The following MAP4 variants were observed in gnomAD, a reference collection of about 807,000 sequenced individuals.
The protein encoded by MAP4 is microtubule-associated protein 4.
Under a neutral mutation model 170.2 loss-of-function variants are expected in MAP4, and 76 were observed. The ratio of observed to expected loss-of-function variants is 0.45; its 90% CI spans 0.37 to 0.54. The LOEUF is 0.54. Ranked by LOEUF, MAP4 falls within the 20% of genes least tolerant of loss-of-function variation. The pLI is 0.00. For missense variants in MAP4, 2,506 were observed against 2,748.0 expected (o/e 0.91, Z 1.97); for synonymous variants, 909 against 994.5 (o/e 0.91, Z 1.62).
rs1425123502 is a variant in MAP4, at chr3:47,916,366, G to A, written c.1461C>T (p.Ala487=). ...TGGACGGAGCCACATCCTTGGCCGG[G>A]GCTATTTCTGTTTCTGGGAGTTGAG... is the stretch of plus-strand genomic sequence containing the variant. The part of the protein sequence containing the change: ...DMAQLPETEI[A]PAKDVAPSTV... Residue 487 remains alanine, a synonymous_variant, in exon 7 of 21, where the codon GCC becomes GCT. Transcript: ENST00000683076. The A allele has an allele frequency of 6.2e-7, 1 of 1,614,082 alleles. No homozygotes were observed. The highest frequency in any genetic ancestry group is 2.2e-5 in the East Asian group (1 of 44,904).
Position 47,945,245 on chromosome 3 carries a change from G to A in MAP4, c.293-16895C>T, listed in dbSNP as rs146473782. ...CATGCGACTGCAGTCCCAGCTACTC[G>A]GGAGGCTGAGACAGGAGAATTGCTT... On this transcript the variant is annotated intron_variant, in intron 3 of 20. Transcript: ENST00000683076. Among the ~76,000 whole-genome samples the A allele has an allele frequency of 8.9e-3, 1,354 of 152,026 alleles. 22 individuals are homozygous for A. Among genetic ancestry groups the A allele is most frequent in the African/African-American group, 0.031 (1,281 of 41,488 alleles).
rs139473425 is a variant in MAP4 at position 47,871,252 on chromosome 3, C to T, written c.5976G>A (p.Lys1992=). 8.5e-5 allele frequency: 137 copies of T among 1,614,084 alleles called. No individual in the cohort carries two copies. Among genetic ancestry groups the T allele is most frequent in the Non-Finnish European group, 1.1e-4 (128 of 1,180,022 alleles). ...IKTEGKPAEV[K]KMTAKSVPAD... is the part of the protein sequence containing the mutation. ...CTGGTACAGACTTTGCAGTCATCTT[C>T]TTGACTTCTGCAGGTTTTCCCTCAG... The change falls in exon 14 of 21, where the codon AAG becomes AAA. Residue 1992 remains lysine, a synonymous_variant. Transcript: ENST00000683076.
intron 1 of MAP4, among the ~76,000 whole-genome samples, chr3:48,048,668 C>T (rs191880644): frequency 9.3e-4 from 142 of 151,916 alleles, no homozygotes; most frequent in African/African-American, 3.2e-3. Flanking sequence ...AGGTGCATGC[C>T]GCCACACTGG....
chr3:48,032,628 G>C (rs951834943), intron 1 of MAP4, among the ~76,000 whole-genome samples: 5 of 151,716 alleles, frequency 3.3e-5, no homozygotes, highest in Non-Finnish European at 5.9e-5. Flanking sequence ...TTGTGGCACT[G>C]CACTCCAGCC....
chr3:47,948,905 G>GCCA (rs758693091), intron 3 of MAP4, among the ~76,000 whole-genome samples: 69 of 152,292 alleles, frequency 4.5e-4, no homozygotes, highest in Admixed American at 9.2e-4. Context: ...ATAGGCGTGA[G>GCCA]CCACTGCGCC....
rs140542363 is a variant in MAP4, at chr3:48,006,151, T to C, written c.-19-7272A>G. 8.5e-3 allele frequency among the ~76,000 whole-genome samples: 1,292 copies of C among 152,280 alleles called. 14 individuals carry two copies. Among genetic ancestry groups the C allele is most frequent in the Non-Finnish European group, 0.012 (840 of 68,016 alleles). On this transcript the variant is annotated intron_variant, in intron 1 of 20. Transcript: ENST00000683076. ...AATTTGAATTATAAAAAGAGAATCA[T>C]GGCCCCTCACTCAATCCATTTCCAG... is the stretch of plus-strand genomic sequence containing the variant.
chr3:48,031,093 C>T (rs1016356844), intron 1 of MAP4, among the ~76,000 whole-genome samples: 2 of 151,990 alleles, frequency 1.3e-5, no homozygotes, highest in African/African-American at 4.8e-5. Flanking sequence ...ACTACCTAAG[C>T]CAAGTGATCA....
intron 8 of MAP4, among the ~76,000 whole-genome samples, 185 bp from the exon 9 acceptor site, chr3:47,912,606 C>G (rs1456721210): frequency 2.0e-5 from 3 of 152,216 alleles, no homozygotes; most frequent in African/African-American, 7.2e-5. Context: ...TCACTTTTAA[C>G]TGGCGCTAGC....
chr3:48,011,899 T>G (rs2100105474), intron 1 of MAP4, among the ~76,000 whole-genome samples: 1 of 152,140 alleles, frequency 6.6e-6, no homozygotes, highest in Non-Finnish European at 1.5e-5. Flanking sequence ...CGTCTGTAAC[T>G]AGTTTTGATA....
chr3:47,884,454 C>T (rs1032210769), intron 10 of MAP4, among the ~76,000 whole-genome samples: 39 of 152,184 alleles, frequency 2.6e-4, no homozygotes, highest in African/African-American at 8.2e-4. Context: ...TGATTTTGTA[C>T]TTTAGCATGC....
Position 47,853,370 on chromosome 3 carries a change from G to C in MAP4, c.6697-18C>G. The C allele has an allele frequency of 6.3e-7, 1 of 1,580,562 alleles. No homozygotes were observed. Among genetic ancestry groups the C allele is most frequent in the African/African-American group, 1.3e-5 (1 of 74,422 alleles). On this transcript the variant is annotated intron_variant, in intron 19 of 20. Transcript: ENST00000683076. ...CCCTCAGTCTACAATGAAACAGTGG[G>C]GGAGACAGTGCAGGGTCAGTCGAGG...
chr3:48,048,818 TTGTG>T (rs541055681), intron 1 of MAP4, among the ~76,000 whole-genome samples: 45 of 152,240 alleles, frequency 3.0e-4, no homozygotes, highest in African/African-American at 9.6e-4. Context: ...TAACCTGCAT[TTGTG>T]TGTGTATTTC....
chr3:48,008,323 A>G (rs2100103514), intron 1 of MAP4, among the ~76,000 whole-genome samples: 2 of 152,218 alleles, frequency 1.3e-5, no homozygotes, highest in African/African-American at 2.4e-5. Context: ...GGCCTGCTTC[A>G]CAGACGGTTC....
chr3:48,030,893 AAAC>A (rs1241930286), intron 1 of MAP4, among the ~76,000 whole-genome samples: 1 of 152,108 alleles, frequency 6.6e-6, no homozygotes, highest in Non-Finnish European at 1.5e-5. Flanking sequence ...GGAACAATAT[AAAC>A]AATAGACTGA....
chr3:48,031,057 G>GC (rs2100115861), intron 1 of MAP4, among the ~76,000 whole-genome samples: 1 of 151,416 alleles, frequency 6.6e-6, no homozygotes, highest in East Asian at 1.9e-4. Context: ...AAAATGGGAG[G>GC]GGGGGGTAAG....
At chr3:48,040,891 G>A (rs752147850) in intron 1 of MAP4, among the ~76,000 whole-genome samples, 1 of 151,944 alleles carries the variant, frequency 6.6e-6, no homozygotes, top group Non-Finnish European at 1.5e-5. Context: ...ATAGAGACGG[G>A]GTTTTGCCGT....
At chr3:47,906,242 T>C (rs1203178921) in intron 9 of MAP4, among the ~76,000 whole-genome samples, 2 of 152,086 alleles carry the variant, frequency 1.3e-5, no homozygotes, top group East Asian at 3.8e-4. Context: ...TGAATACATA[T>C]TCTTCAAACC....
chr3:47,899,415 C>T (rs1412648040), intron 10 of MAP4, among the ~76,000 whole-genome samples: 2 of 152,220 alleles, frequency 1.3e-5, no homozygotes, highest in Non-Finnish European at 2.9e-5. Context: ...GCTGGGATTA[C>T]AAGTGTGAAC....
chr3:47,998,695 T>C lies in MAP4; in HGVS notation c.166A>G (p.Lys56Glu). 1.2e-6 allele frequency: 2 copies of C among 1,614,174 alleles called. No individual in the cohort carries two copies. The highest frequency in any genetic ancestry group is 2.2e-5 in the South Asian group (2 of 91,080). The stretch of plus-strand genomic sequence containing the variant: ...TTCTTTGACTCTGAGTTCCCGGTTT[T>C]CTCATCAACATCCAGGAGAGGAATA... The part of the protein sequence containing the change: ...DYIPLLDVDE[K>E]TGNSESKKKP... The change falls in exon 2 of 21, where the codon AAA (lysine) becomes GAA (glutamate). Residue 56 changes from lysine to glutamate, a missense_variant. Physicochemically the swap from Lys to Glu is moderately conservative, Grantham distance 56. Coordinates refer to ENST00000683076, the MANE Select transcript of MAP4 (RefSeq NM_001385682.1).
Sources: allele counts gnomAD v4.1 joint callset (sites outside exome capture counted in the v4.1 genomes callset), GRCh38; gene constraint gnomAD v4.1.1; transcripts MANE v1.5; gene names NCBI Gene and HGNC (gene_info 2026-07-23, HGNC 2026-07-21).